The following MMP16 variants were observed in gnomAD, a reference collection of about 807,000 sequenced individuals.
MMP16 encodes the protein matrix metallopeptidase 16.
MMP16 carries 12 observed loss-of-function variants against 67.8 expected under a neutral mutation model. The ratio of observed to expected loss-of-function variants is 0.18; its 90% CI spans 0.11 to 0.29. The LOEUF is 0.29. Ranked by LOEUF, MMP16 falls within the 10% of genes least tolerant of loss-of-function variation. The probability of loss-of-function intolerance (pLI) is 1.00; values close to 1 mark genes in which losing one functional copy is unlikely to be tolerated. For missense variants in MMP16, 475 were observed against 765.7 expected (o/e 0.62, Z 4.48); for synonymous variants, 249 against 255.9 (o/e 0.97, Z 0.26).
Position 88,104,110 on chromosome 8 carries a change from A to G in MMP16, c.1083+12397T>C, listed in dbSNP as rs1022982452. ...AATATATTACAGTCTTCACATTTAT[A>G]AAGCTTCTTTTATATCACTGTATTT... is the stretch of plus-strand genomic sequence containing the variant. On this transcript the variant is annotated intron_variant, in intron 6 of 9. Coordinates refer to ENST00000286614, the MANE Select transcript of MMP16 (RefSeq NM_005941.5). Among the ~76,000 whole-genome samples the G allele has an allele frequency of 4.6e-5, 7 of 151,768 alleles. No homozygotes were observed. In the South Asian group the frequency reaches 1.2e-3, roughly 27 times the overall value.
At chr8:88,121,719 T>C (rs1769353595) in intron 4 of MMP16, among the ~76,000 whole-genome samples, 1 of 152,064 alleles carries the variant, frequency 6.6e-6, no homozygotes, top group Non-Finnish European at 1.5e-5. Context: ...AGTTTTGAGT[T>C]CGTTGCTTTC....
chr8:88,245,503 T>A (rs1332580366), intron 1 of MMP16, among the ~76,000 whole-genome samples: 1 of 152,148 alleles, frequency 6.6e-6, no homozygotes, highest in Non-Finnish European at 1.5e-5. Flanking sequence ...CCACTAGAAC[T>A]GCCTCAAAGC....
At position 88,270,640 on chromosome 8, in the gene MMP16, G is replaced by C. The variant is rs150336426; in HGVS notation, c.132+56435C>G. ...TGGTTATTGAATTAATAAATGCCTG[G>C]CCTGAGCCTATATAAAGTCTTTGGC... On this transcript the variant is annotated intron_variant, in intron 1 of 9. Transcript: ENST00000286614. 1.2e-3 allele frequency among the ~76,000 whole-genome samples: 187 copies of C among 152,214 alleles called. 1 individual carries two copies. The highest frequency in any genetic ancestry group is 3.7e-3 in the African/African-American group (154 of 41,552).
chr8:88,122,266 T>C (rs928324319), intron 4 of MMP16, among the ~76,000 whole-genome samples: 7 of 152,148 alleles, frequency 4.6e-5, no homozygotes, highest in African/African-American at 7.2e-5. Flanking sequence ...GCATTTTTTT[T>C]CCTAATATAT....
chr8:88,239,797 TA>T (rs753139128), intron 1 of MMP16, among the ~76,000 whole-genome samples: 20 of 152,172 alleles, frequency 1.3e-4, no homozygotes, highest in Non-Finnish European at 2.6e-4. Context: ...TCAGTTGAAA[TA>T]AAAGTCAAAA....
chr8:88,165,535 C>T (rs2129695383), intron 4 of MMP16, among the ~76,000 whole-genome samples: 1 of 152,060 alleles, frequency 6.6e-6, no homozygotes, highest in African/African-American at 2.4e-5. Flanking sequence ...CTTAATCAAG[C>T]ATTTCTTATA....
chr8:88,124,980 C>T (rs1468933377), intron 4 of MMP16, among the ~76,000 whole-genome samples: 1 of 151,804 alleles, frequency 6.6e-6, no homozygotes, highest in Non-Finnish European at 1.5e-5. Flanking sequence ...TGACCTCATC[C>T]AACCCTAATT....
chr8:88,057,626 G>C (rs1808347974), intron 7 of MMP16, among the ~76,000 whole-genome samples: 1 of 151,788 alleles, frequency 6.6e-6, no homozygotes, highest in Non-Finnish European at 1.5e-5. Flanking sequence ...AATACCTAAG[G>C]GTCTTCAAAA....
intron 1 of MMP16, among the ~76,000 whole-genome samples, chr8:88,210,891 G>A (rs942167959): frequency 6.6e-6 from 1 of 152,002 alleles, no homozygotes; most frequent in African/African-American, 2.4e-5. Flanking sequence ...TATTAAGCCA[G>A]GCACAGCACT....
chr8:88,220,476 G>A (rs934591435), intron 1 of MMP16, among the ~76,000 whole-genome samples: 7 of 151,230 alleles, frequency 4.6e-5, no homozygotes, highest in Non-Finnish European at 1.0e-4. Flanking sequence ...TTCCCTTTGT[G>A]TCCTGTAAAT....
intron 7 of MMP16, among the ~76,000 whole-genome samples, chr8:88,062,958 C>T (rs1391786582): frequency 1.3e-5 from 2 of 152,022 alleles, no homozygotes; most frequent in Non-Finnish European, 2.9e-5. Flanking sequence ...GTCTGGGTCT[C>T]AAGGAAAATA....
At chr8:88,290,363 TA>T (rs1233657288) in intron 1 of MMP16, among the ~76,000 whole-genome samples, 30 of 152,160 alleles carry the variant, frequency 2.0e-4, no homozygotes, top group Admixed American at 3.9e-4. Flanking sequence ...CCATCCTGGC[TA>T]ACAAGGTGAA....
At chr8:88,128,085 C>T (rs1019133638) in intron 4 of MMP16, among the ~76,000 whole-genome samples, 1 of 151,856 alleles carries the variant, frequency 6.6e-6, no homozygotes, top group Non-Finnish European at 1.5e-5. Context: ...GCTGCAAGCT[C>T]AAGGTCAGTC....
intron 1 of MMP16, among the ~76,000 whole-genome samples, chr8:88,217,356 C>T (rs1427266989): frequency 1.3e-5 from 2 of 152,064 alleles, no homozygotes; most frequent in Non-Finnish European, 2.9e-5. Flanking sequence ...TACAGACATA[C>T]TCACATATAC....
intron 4 of MMP16, among the ~76,000 whole-genome samples, chr8:88,149,083 T>C (rs1795696807): frequency 6.6e-6 from 1 of 152,002 alleles, no homozygotes; most frequent in Non-Finnish European, 1.5e-5. Context: ...CCTTTCTGAG[T>C]CAAAGAAAGG....
chr8:88,285,073 T>C (rs1810805973), intron 1 of MMP16, among the ~76,000 whole-genome samples: 1 of 152,196 alleles, frequency 6.6e-6, no homozygotes. Context: ...TATTTGTCCA[T>C]CTTCCTGACA....
intron 4 of MMP16, among the ~76,000 whole-genome samples, chr8:88,157,530 C>T (rs935773242): frequency 5.3e-5 from 8 of 151,822 alleles, no homozygotes; most frequent in Non-Finnish European, 8.8e-5. Context: ...CTTCCGAAGT[C>T]ATGTGTTGAT....
intron 8 of MMP16, among the ~76,000 whole-genome samples, chr8:88,055,865 T>A (rs754502451): frequency 6.6e-6 from 1 of 152,132 alleles, no homozygotes; most frequent in African/African-American, 2.4e-5. Context: ...TACATAGCAT[T>A]ATGGGCATGT....
Position 88,238,495 on chromosome 8 carries a change from T to G in MMP16, c.133-41189A>C, listed in dbSNP as rs530790288. On this transcript the variant is annotated intron_variant, in intron 1 of 9. Transcript: ENST00000286614. ...CAACATGGTGAAACTCTCTCTCTAC[T>G]AAAAATACAAAAATTAGCTGGATGC... 1.3e-4 allele frequency among the ~76,000 whole-genome samples: 20 copies of G among 151,680 alleles called. No individual in the cohort carries two copies. The East Asian group carries it at 3.3e-3, about 25-fold the overall frequency.
Sources: gnomAD v4.1 joint callset for allele counts (sites outside exome capture counted in the v4.1 genomes callset) on GRCh38, gnomAD v4.1.1 for gene constraint, MANE v1.5 for transcripts, NCBI Gene and HGNC (gene_info 2026-07-23, HGNC 2026-07-21) for gene names.